The following PPM1H variants were observed in gnomAD, a reference collection of about 807,000 sequenced individuals.
PPM1H encodes the protein protein phosphatase, Mg2+/Mn2+ dependent 1H.
PPM1H carries 27 observed loss-of-function variants against 54.9 expected under a neutral mutation model. The ratio of observed to expected loss-of-function variants is 0.49; its 90% confidence interval spans 0.36 to 0.68. PPM1H has a LOEUF of 0.68. Ranked by LOEUF, PPM1H falls within the 30% of genes least tolerant of loss-of-function variation. The probability of loss-of-function intolerance (pLI) is 0.00; values close to 1 mark genes in which losing one functional copy is unlikely to be tolerated. For synonymous variants in PPM1H, 305 were observed against 270.8 expected, an observed-to-expected ratio of 1.13 and a Z score of -1.24; for missense variants, 596 against 667.8, an observed-to-expected ratio of 0.89 and a Z score of 1.19.
At chr12:62,649,779 T>C (rs1177842120) in intron 9 of PPM1H, among the ~76,000 whole-genome samples, 1 of 152,244 alleles carries the variant, frequency 6.6e-6, no homozygotes, top group Non-Finnish European at 1.5e-5. Flanking sequence ...TTTGCTTAAA[T>C]GTCAAGTGGC....
At chr12:62,722,187 A>G (rs1012411940) in intron 5 of PPM1H, among the ~76,000 whole-genome samples, 3 of 152,178 alleles carry the variant, frequency 2.0e-5, no homozygotes, top group Non-Finnish European at 2.9e-5. Flanking sequence ...GAACAAAGGC[A>G]TAAGTGGTCA....
intron 5 of PPM1H, among the ~76,000 whole-genome samples, chr12:62,727,637 A>ATATTATTATTATTATTATTAT (rs146320023): frequency 1.2e-3 from 162 of 139,798 alleles, no homozygotes; most frequent in East Asian, 2.9e-3. Flanking sequence ...TAAAATGCAA[A>ATATTATTATTATTATTATTAT]TATTATTATT....
chr12:62,878,637 A>AC (rs1342616446), intron 1 of PPM1H, among the ~76,000 whole-genome samples: 1 of 146,980 alleles, frequency 6.8e-6, no homozygotes, highest in African/African-American at 2.5e-5. Context: ...AAAAAAAAAA[A>AC]AAAAAAAAAA....
At chr12:62,897,872 T>C (rs12099667) in intron 1 of PPM1H, among the ~76,000 whole-genome samples, 12,472 of 152,170 alleles carry the variant, frequency 0.082, 1,592 homozygotes, top group African/African-American at 0.27. Flanking sequence ...TGAAGTGATG[T>C]GGGGAACAGA....
intron 4 of PPM1H, chr12:62,756,060 C>T: frequency 1.6e-6 from 2 of 1,239,352 alleles, no homozygotes; most frequent in Non-Finnish European, 2.3e-6. Context: ...CTACACTGAG[C>T]ACCAGGTTGT....
chr12:62,681,799 C>A (rs1044516921), intron 8 of PPM1H, among the ~76,000 whole-genome samples: 1 of 152,206 alleles, frequency 6.6e-6, no homozygotes, highest in African/African-American at 2.4e-5. Context: ...GTGCTCTACT[C>A]AGTAAACACC....
intron 1 of PPM1H, among the ~76,000 whole-genome samples, chr12:62,918,508 A>G (rs11174719): frequency 0.25 from 38,728 of 152,192 alleles, 5,248 homozygotes; most frequent in Admixed American, 0.32. Flanking sequence ...TAAAGTATAT[A>G]GCTAACACTT....
chr12:62,710,478 G>T (rs1261307334), intron 6 of PPM1H, among the ~76,000 whole-genome samples: 3 of 150,672 alleles, frequency 2.0e-5, no homozygotes, highest in Non-Finnish European at 3.0e-5. Context: ...GTTGCAGTGG[G>T]CTGAGATCAC....
At chr12:62,738,358 CA>C (rs1480266860) in intron 4 of PPM1H, among the ~76,000 whole-genome samples, 2 of 151,608 alleles carry the variant, frequency 1.3e-5, no homozygotes, top group African/African-American at 2.4e-5. Flanking sequence ...ATCCTGGGTC[CA>C]GGGGGAAAAA....
At chr12:62,736,258 A>G (rs1179760373) in intron 5 of PPM1H, among the ~76,000 whole-genome samples, 1 of 152,180 alleles carries the variant, frequency 6.6e-6, no homozygotes, top group Non-Finnish European at 1.5e-5. Context: ...AGGTCAGGAA[A>G]GGTTAAGAAA....
chr12:62,759,479 A>G (rs1275280258), intron 4 of PPM1H, among the ~76,000 whole-genome samples: 2 of 152,234 alleles, frequency 1.3e-5, no homozygotes, highest in African/African-American at 2.4e-5. Flanking sequence ...ATTATCTGGT[A>G]GAGACAAAGG....
At chr12:62,853,696 A>G (rs1293934052) in intron 1 of PPM1H, among the ~76,000 whole-genome samples, 1 of 152,178 alleles carries the variant, frequency 6.6e-6, no homozygotes, top group Non-Finnish European at 1.5e-5. Context: ...GCTTCTTCCC[A>G]TGGGTTTCCT....
chr12:62,894,125 C>T (rs1468070219), intron 1 of PPM1H, among the ~76,000 whole-genome samples: 2 of 152,162 alleles, frequency 1.3e-5, no homozygotes, highest in Non-Finnish European at 2.9e-5. Context: ...CAGAGACAAG[C>T]CATCTCATTG....
At chr12:62,673,562 C>G (rs1024475981) in intron 8 of PPM1H, among the ~76,000 whole-genome samples, 1 of 152,036 alleles carries the variant, frequency 6.6e-6, no homozygotes, top group African/African-American at 2.4e-5. Context: ...ATTCTCCAAA[C>G]TGGTTTTTCC....
chr12:62,699,582 G>A (rs1360557316), intron 6 of PPM1H, among the ~76,000 whole-genome samples: 1 of 152,220 alleles, frequency 6.6e-6, no homozygotes, highest in African/African-American at 2.4e-5. Context: ...AGACTCAACA[G>A]TAGAGGGTGG....
chr12:62,663,400 T>C (rs2075897228), intron 9 of PPM1H, among the ~76,000 whole-genome samples: 4 of 152,098 alleles, frequency 2.6e-5, no homozygotes, highest in Non-Finnish European at 4.4e-5. Flanking sequence ...TTGCCCAGGC[T>C]GGTCTTGAAC....
chr12:62,759,474 C>A lies in PPM1H; in HGVS notation c.870-21888G>T, dbSNP rs796649286. On this transcript the variant is annotated intron_variant, in intron 4 of 9. Coordinates refer to ENST00000228705, the MANE Select transcript of PPM1H (RefSeq NM_020700.2). ...TCTTAAGTTCAATTCCTTTCATTAT[C>A]TGGTAGAGACAAAGGAGACACATTT... 2.6e-4 allele frequency among the ~76,000 whole-genome samples: 40 copies of A among 152,334 alleles called. 1 individual carries two copies. Among genetic ancestry groups the A allele is most frequent in the African/African-American group, 9.4e-4 (39 of 41,570 alleles).
In PPM1H at chr12:62,644,206, G is replaced by C. The variant is rs961580566; in HGVS notation, c.*4283C>G. 6.6e-6 allele frequency: 1 copy of C among 152,102 alleles called. No homozygotes were observed. The highest frequency in any genetic ancestry group is 1.5e-5 in the Non-Finnish European group (1 of 68,026). 9.4% of individuals were successfully genotyped at this position (152,102 alleles called of 1,614,324 possible). A position where few individuals can be genotyped will look rare whatever the true frequency, so the allele number is the denominator to read the frequency against. On this transcript the variant is annotated 3_prime_UTR_variant, in exon 10 of 10. Coordinates refer to ENST00000228705, the MANE Select transcript of PPM1H (RefSeq NM_020700.2). ...ATGGTTCTGAAACAATTTCCAGGCAGATTTCTCTCATTCACTGTACTAGGG... is the reference window on the plus strand; with the variant it reads ...ATGGTTCTGAAACAATTTCCAGGCACATTTCTCTCATTCACTGTACTAGGG...
intron 1 of PPM1H, among the ~76,000 whole-genome samples, chr12:62,884,304 T>C (rs1870501095): frequency 6.7e-6 from 1 of 149,536 alleles, no homozygotes; most frequent in Non-Finnish European, 1.5e-5. Context: ...CTGGCCGACA[T>C]GGTGAAATCC....
Sources: allele counts gnomAD v4.1 joint callset (sites outside exome capture counted in the v4.1 genomes callset), GRCh38; gene constraint gnomAD v4.1.1; transcripts MANE v1.5; gene names NCBI Gene and HGNC (gene_info 2026-07-23, HGNC 2026-07-21).